The following ITGA9 variants were observed in gnomAD, a reference collection of about 807,000 sequenced individuals.
The protein encoded by ITGA9 is integrin subunit alpha 9.
A neutral mutation model predicts 127.8 loss-of-function variants in ITGA9; 56 were observed. The observed-to-expected ratio is 0.44, with a 90% confidence interval of 0.35 to 0.55. The LOEUF (loss-of-function observed/expected upper bound fraction) is 0.55. Among genes scored for constraint, ITGA9 ranks in the 20% least tolerant of loss-of-function variants. ITGA9 has a pLI of 0.00. For missense variants in ITGA9, 1,196 were observed against 1,347.1 expected (o/e 0.89, Z 1.76); for synonymous variants, 508 against 514.5 (o/e 0.99, Z 0.17).
intron 4 of ITGA9, among the ~76,000 whole-genome samples, chr3:37,485,120 C>A (rs149031456): frequency 2.1e-4 from 32 of 152,178 alleles, no homozygotes; most frequent in African/African-American, 7.5e-4. Context: ...AGTGGGAGGG[C>A]CGTGTGGAGA....
intron 23 of ITGA9, among the ~76,000 whole-genome samples, chr3:37,755,761 GAGTT>G (rs1353054742): frequency 1.2e-4 from 18 of 151,932 alleles, no homozygotes; most frequent in Non-Finnish European, 1.5e-5. Context: ...CATAATATAA[GAGTT>G]AGAAGTCAAG....
chr3:37,742,721 G>A (rs1286312250), intron 21 of ITGA9, among the ~76,000 whole-genome samples: 1 of 152,190 alleles, frequency 6.6e-6, no homozygotes, highest in Non-Finnish European at 1.5e-5. Context: ...CAGTAGAAAT[G>A]TTGATCCCTT....
chr3:37,539,050 A>G (rs765408664), intron 14 of ITGA9, among the ~76,000 whole-genome samples: 1 of 152,230 alleles, frequency 6.6e-6, no homozygotes, highest in Non-Finnish European at 1.5e-5. Context: ...TCCTCAGCTC[A>G]GTTTCTGTGA....
intron 12 of ITGA9, among the ~76,000 whole-genome samples, chr3:37,524,489 G>A (rs1340901835): frequency 2.6e-5 from 4 of 152,174 alleles, no homozygotes; most frequent in African/African-American, 9.7e-5. Flanking sequence ...AGGAAGTAAG[G>A]GAATAGAAAG....
At chr3:37,619,499 A>G (rs1700107318) in intron 15 of ITGA9, among the ~76,000 whole-genome samples, 1 of 152,224 alleles carries the variant, frequency 6.6e-6, no homozygotes, top group Non-Finnish European at 1.5e-5. Flanking sequence ...GATCCCGTGC[A>G]GAAGCTCTGG....
At chr3:37,582,563 G>A (rs924932890) in intron 15 of ITGA9, among the ~76,000 whole-genome samples, 1 of 152,238 alleles carries the variant, frequency 6.6e-6, no homozygotes, top group African/African-American at 2.4e-5. Flanking sequence ...TGACTGCCTA[G>A]GTGGCAGGAT....
At chr3:37,577,372 C>G (rs2125607913) in intron 15 of ITGA9, among the ~76,000 whole-genome samples, 1 of 152,352 alleles carries the variant, frequency 6.6e-6, no homozygotes, top group East Asian at 1.9e-4. Context: ...CCAAATGATG[C>G]TGTTGGCCTC....
chr3:37,542,391 C>G (rs1415464963), intron 14 of ITGA9, 34 bp from the exon 15 acceptor site: 6 of 1,611,782 alleles, frequency 3.7e-6, no homozygotes, highest in Non-Finnish European at 4.2e-6. Flanking sequence ...TGTGTCGGTC[C>G]TTTCTGACAT....
intron 3 of ITGA9, among the ~76,000 whole-genome samples, chr3:37,477,889 C>T (rs756097235): frequency 7.2e-5 from 11 of 151,784 alleles, no homozygotes; most frequent in African/African-American, 9.7e-5. Flanking sequence ...CTGTCCTTAT[C>T]TGTTCAGTGC....
At chr3:37,609,474 A>G (rs560437178) in intron 15 of ITGA9, among the ~76,000 whole-genome samples, 66 of 152,346 alleles carry the variant, frequency 4.3e-4, no homozygotes, top group African/African-American at 1.5e-3. Context: ...TTCTTTTTTA[A>G]CACTTATATG....
Position 37,533,294 on chromosome 3 carries a change from CT to C in ITGA9, c.1374-18del, listed in dbSNP as rs769343294. 1.1e-5 allele frequency: 17 copies of C among 1,613,700 alleles called. No homozygotes were observed. In the Admixed American group the frequency reaches 1.8e-4, roughly 17 times the overall value. Reference sequence around the variant, plus strand: ...CTGCTCCTTACCACGACTAAGTCACCTTCCTCTCTTGCCCTGCAGAGCAAGG... The same window carrying C: ...CTGCTCCTTACCACGACTAAGTCACCTCCTCTCTTGCCCTGCAGAGCAAGG... On this transcript the variant is annotated intron_variant, in intron 13 of 27. Transcript: ENST00000264741.
At chr3:37,619,967 G>A (rs1008041547) in intron 15 of ITGA9, among the ~76,000 whole-genome samples, 10 of 152,192 alleles carry the variant, frequency 6.6e-5, no homozygotes, top group Non-Finnish European at 1.5e-4. Context: ...TGGGTCAGAA[G>A]CTATTCCTCC....
At chr3:37,731,397 C>T (rs1696290787) in intron 18 of ITGA9, among the ~76,000 whole-genome samples, 1 of 152,202 alleles carries the variant, frequency 6.6e-6, no homozygotes, top group East Asian at 1.9e-4. Flanking sequence ...GTGTGAATAA[C>T]ACTGGCTAAG....
At chr3:37,545,816 A>C (rs929884031) in intron 15 of ITGA9, among the ~76,000 whole-genome samples, 2 of 152,062 alleles carry the variant, frequency 1.3e-5, no homozygotes, top group Non-Finnish European at 2.9e-5. Context: ...GCCCTGCCTG[A>C]CCTTACCTTT....
chr3:37,735,022 C>T (rs1373420499), intron 19 of ITGA9, among the ~76,000 whole-genome samples: 1 of 152,222 alleles, frequency 6.6e-6, no homozygotes, highest in African/African-American at 2.4e-5. Context: ...CGTGCACTCC[C>T]ATGTCCTTCC....
At chr3:37,678,342 G>A (rs1559565250) in intron 17 of ITGA9, among the ~76,000 whole-genome samples, 1 of 152,086 alleles carries the variant, frequency 6.6e-6, no homozygotes, top group Non-Finnish European at 1.5e-5. Context: ...CTTGTCTTCT[G>A]TTTTTTTGAT....
chr3:37,521,856 G>T (rs1699047352), intron 11 of ITGA9, among the ~76,000 whole-genome samples: 1 of 152,178 alleles, frequency 6.6e-6, no homozygotes. Context: ...GTAGGGCTTT[G>T]CCTGTTAGTG....
intron 15 of ITGA9, among the ~76,000 whole-genome samples, chr3:37,572,948 C>T (rs1395460170): frequency 6.6e-6 from 1 of 152,178 alleles, no homozygotes; most frequent in Admixed American, 6.5e-5. Context: ...GGTAAGATCT[C>T]ACATGTGATG....
chr3:37,703,353 T>G (rs570563530), intron 18 of ITGA9, among the ~76,000 whole-genome samples: 1 of 152,366 alleles, frequency 6.6e-6, no homozygotes, highest in East Asian at 1.9e-4. Context: ...TTCAGTTAAA[T>G]CTGAAGTTTT....
Sources: allele counts gnomAD v4.1 joint callset (sites outside exome capture counted in the v4.1 genomes callset), GRCh38; gene constraint gnomAD v4.1.1; transcripts MANE v1.5; gene names NCBI Gene and HGNC (gene_info 2026-07-23, HGNC 2026-07-21).